Variants in PECAM1 observed in about 807,000 individuals in gnomAD.
The protein encoded by PECAM1 is platelet endothelial cell adhesion molecule.
In PECAM1, 8 loss-of-function variants were observed where a neutral mutation model predicts 13.8. The ratio of observed to expected loss-of-function variants is 0.58; its 90% CI spans 0.34 to 1.05. The LOEUF is 1.05. Ranked by LOEUF, PECAM1 falls within the 50% of genes least tolerant of loss-of-function variation. The pLI is 0.03. For missense variants in PECAM1, 304 were observed against 141.2 expected (o/e 2.15, Z -5.84); for synonymous variants, 136 against 52.6 (o/e 2.58, Z -6.86).
rs1326635770 is a variant in PECAM1 at position 64,323,564 on chromosome 17, T to A, written c.*252A>T. 7.1e-7 allele frequency: 1 copy of A among 1,413,770 alleles called. No homozygotes were observed. The highest frequency in any genetic ancestry group is 2.6e-5 in the East Asian group (1 of 37,986). The allele number at this position is 1,413,770 out of a possible 1,614,324, so 87.6% of individuals were successfully genotyped here. On this transcript the variant is annotated 3_prime_UTR_variant, in exon 16 of 16. Transcript: ENST00000563924. ...TGGATCTCCTCTTGTGCTCTTCCAA[T>A]TTCCAAGGATGTTCCAACTTGGTGG...
chr17:64,321,713 G>T lies in PECAM1; in HGVS notation c.*2103C>A. The stretch of plus-strand genomic sequence containing the variant: ...GGGTTCGAGGCTGCGGTGAGCCATT[G>T]TTGTGCCACTGCACTCCAGCCTGGG... On this transcript the variant is annotated 3_prime_UTR_variant, in exon 16 of 16. Coordinates refer to ENST00000563924, the MANE Select transcript of PECAM1 (RefSeq NM_000442.5). 2.0e-6 allele frequency: 2 copies of T among 988,822 alleles called. No individual in the cohort carries two copies. The highest frequency in any genetic ancestry group is 6.8e-5 in the East Asian group (1 of 14,636). 61.3% of individuals were successfully genotyped at this position (988,822 alleles called of 1,614,324 possible). A position where few individuals can be genotyped will look rare whatever the true frequency, so the allele number is the denominator to read the frequency against.
intron 3 of PECAM1, among the ~76,000 whole-genome samples, chr17:64,375,569 T>C (rs1487387582): frequency 6.6e-6 from 1 of 151,928 alleles, no homozygotes; most frequent in Non-Finnish European, 1.5e-5. Context: ...CTTTGAAATA[T>C]ATAAAATCTG....
chr17:64,388,248 G>A (rs2036640907), intron 2 of PECAM1, among the ~76,000 whole-genome samples: 1 of 152,088 alleles, frequency 6.6e-6, no homozygotes, highest in South Asian at 2.1e-4. Flanking sequence ...AAGAAAAAGA[G>A]GGACCCCAAA....
chr17:64,390,463 T>TC (rs2036691780), intron 2 of PECAM1, 26 bp downstream of exon 2: 2 of 471,966 alleles, frequency 4.2e-6, no homozygotes, highest in Non-Finnish European at 7.8e-6. Context: ...TAGAAACATC[T>TC]GTTACAGTGG....
chr17:64,381,512 C>T (rs888726417), intron 2 of PECAM1, among the ~76,000 whole-genome samples: 122 of 152,236 alleles, frequency 8.0e-4, no homozygotes, highest in African/African-American at 2.8e-3. Flanking sequence ...CAGAACCTGT[C>T]CTTTCCCTCT....
intron 14 of PECAM1, among the ~76,000 whole-genome samples, chr17:64,337,487 T>C (rs942473820): frequency 6.6e-6 from 1 of 152,184 alleles, no homozygotes; most frequent in African/African-American, 2.4e-5. Flanking sequence ...TCTCCCATGA[T>C]TCTATCTCAT....
chr17:64,344,558 G>T (rs1403580517), intron 13 of PECAM1, among the ~76,000 whole-genome samples: 4 of 152,038 alleles, frequency 2.6e-5, no homozygotes, highest in African/African-American at 9.7e-5. Flanking sequence ...GCTGCCACTA[G>T]GGTCAGAGCT....
At chr17:64,338,896 T>C (rs1301604952) in intron 14 of PECAM1, among the ~76,000 whole-genome samples, 1 of 152,168 alleles carries the variant, frequency 6.6e-6, no homozygotes, top group Non-Finnish European at 1.5e-5. Flanking sequence ...AACCACCCCT[T>C]TGAGTTACTC....
chr17:64,389,641 T>C (rs1361801351), intron 2 of PECAM1, among the ~76,000 whole-genome samples: 1 of 152,202 alleles, frequency 6.6e-6, no homozygotes, highest in Non-Finnish European at 1.5e-5. Context: ...GGGGATAGGT[T>C]ACAATATTCA....
At chr17:64,383,856 G>T (rs2036535491) in intron 2 of PECAM1, among the ~76,000 whole-genome samples, 1 of 152,190 alleles carries the variant, frequency 6.6e-6, no homozygotes, top group East Asian at 1.9e-4. Context: ...ACTCGGCAGG[G>T]TGTGGCGGCT....
chr17:64,345,327 C>G (rs1568014320), intron 13 of PECAM1, among the ~76,000 whole-genome samples: 1 of 152,130 alleles, frequency 6.6e-6, no homozygotes, highest in Admixed American at 6.5e-5. Flanking sequence ...GGCTGTCCCT[C>G]CACAAGGGAG....
intron 2 of PECAM1, among the ~76,000 whole-genome samples, chr17:64,385,912 T>C (rs2036582902): frequency 6.6e-6 from 1 of 152,212 alleles, no homozygotes; most frequent in African/African-American, 2.4e-5. Context: ...TGGCTGGGTC[T>C]GTCGTGCCAG....
chr17:64,388,152 C>A (rs1598062078), intron 2 of PECAM1, among the ~76,000 whole-genome samples: 1 of 152,052 alleles, frequency 6.6e-6, no homozygotes, highest in African/African-American at 2.4e-5. Flanking sequence ...CTCTAGGAAC[C>A]CAAAGGAGGG....
intron 11 of PECAM1, among the ~76,000 whole-genome samples, chr17:64,351,441 G>A (rs1167911180): frequency 6.6e-6 from 1 of 152,144 alleles, no homozygotes; most frequent in African/African-American, 2.4e-5. Flanking sequence ...AGCAAGAAAA[G>A]TGGCTGGGCT....
At chr17:64,374,683 C>T (rs915290535) in intron 4 of PECAM1, among the ~76,000 whole-genome samples, 13 of 152,080 alleles carry the variant, frequency 8.5e-5, no homozygotes, top group Admixed American at 2.0e-4. Flanking sequence ...ACTCCAGAGG[C>T]TGAGGCATAA....
chr17:64,345,121 G>T (rs1425470165), intron 13 of PECAM1, among the ~76,000 whole-genome samples: 1 of 152,146 alleles, frequency 6.6e-6, no homozygotes, highest in African/African-American at 2.4e-5. Context: ...CAAAGTGCTG[G>T]GATTACAATA....
At chr17:64,355,992 C>T in intron 8 of PECAM1, 119 bp downstream of exon 8, 1 of 456,802 alleles carries the variant, frequency 2.2e-6, no homozygotes, top group Non-Finnish European at 3.9e-6. Context: ...GGACATTACT[C>T]TCCTAGCCTT....
intron 8 of PECAM1, 89 bp downstream of exon 8, chr17:64,356,022 C>G: frequency 2.2e-6 from 1 of 456,014 alleles, no homozygotes; most frequent in Non-Finnish European, 3.9e-6. Flanking sequence ...AAGCTAGACT[C>G]CCCCCCAACT....
At chr17:64,333,794 C>T (rs2035191836) in intron 14 of PECAM1, among the ~76,000 whole-genome samples, 1 of 151,554 alleles carries the variant, frequency 6.6e-6, no homozygotes, top group Non-Finnish European at 1.5e-5. Context: ...CCCATCTCTA[C>T]TAAAATATAA....
Sources: allele counts gnomAD v4.1 joint callset (sites outside exome capture counted in the v4.1 genomes callset), GRCh38; gene constraint gnomAD v4.1.1; transcripts MANE v1.5; gene names NCBI Gene and HGNC (gene_info 2026-07-23, HGNC 2026-07-21).